ABLIM3: variants seen among roughly 807,000 people sequenced by gnomAD.
ABLIM3 encodes the protein actin binding LIM protein family member 3.
Under a neutral mutation model 109.5 loss-of-function variants are expected in ABLIM3, and 61 were observed. The observed-to-expected ratio is 0.56, with a 90% CI of 0.45 to 0.69. ABLIM3 has a LOEUF of 0.69. ABLIM3 is among the 30% of genes least tolerant of loss of function. ABLIM3 has a pLI of 0.00. For missense variants in ABLIM3, 796 were observed against 889.5 expected (o/e 0.89, Z 1.34); for synonymous variants, 300 against 324.8 (o/e 0.92, Z 0.82).
intron 2 of ABLIM3, among the ~76,000 whole-genome samples, chr5:149,165,544 A>G (rs1754744193): frequency 6.6e-6 from 1 of 152,242 alleles, no homozygotes; most frequent in South Asian, 2.1e-4. Context: ...AACTAGCTCA[A>G]GTGAAACAGG....
At chr5:149,257,921 G>A (rs995248490) in intron 23 of ABLIM3, among the ~76,000 whole-genome samples, 8 of 152,160 alleles carry the variant, frequency 5.3e-5, no homozygotes, top group African/African-American at 1.9e-4. Context: ...TCAACGGGGA[G>A]TGGGATAACA....
At chr5:149,213,144 T>C (rs934029387) in intron 7 of ABLIM3, among the ~76,000 whole-genome samples, 1 of 152,006 alleles carries the variant, frequency 6.6e-6, no homozygotes, top group Non-Finnish European at 1.5e-5. Flanking sequence ...AAAAGAAATA[T>C]GGATCAGAGC....
chr5:149,146,157 G>T (rs1220004227), intron 2 of ABLIM3, among the ~76,000 whole-genome samples: 1 of 151,998 alleles, frequency 6.6e-6, no homozygotes, highest in East Asian at 1.9e-4. Flanking sequence ...GGGGCGTGGG[G>T]TTTGTTTTTG....
intron 2 of ABLIM3, among the ~76,000 whole-genome samples, chr5:149,151,509 C>G (rs769310284): frequency 1.6e-4 from 24 of 152,204 alleles, no homozygotes; most frequent in Non-Finnish European, 2.9e-4. Flanking sequence ...TCCACACTAG[C>G]GTGAGATGCT....
intron 8 of ABLIM3, among the ~76,000 whole-genome samples, chr5:149,224,471 C>G (rs1489684335): frequency 6.6e-6 from 1 of 152,184 alleles, no homozygotes; most frequent in Non-Finnish European, 1.5e-5. Context: ...CCCGAGGTGC[C>G]CTTGTCCCTG....
intron 23 of ABLIM3, among the ~76,000 whole-genome samples, chr5:149,257,129 AC>A (rs1754502697): frequency 6.6e-6 from 1 of 152,132 alleles, no homozygotes; most frequent in South Asian, 2.1e-4. Flanking sequence ...ACATGGTGAA[AC>A]CCCATCTCTA....
chr5:149,228,178 A>G (rs897676702), intron 8 of ABLIM3, among the ~76,000 whole-genome samples: 21 of 152,210 alleles, frequency 1.4e-4, no homozygotes, highest in African/African-American at 4.8e-4. Context: ...AAGGCCATTC[A>G]GTTCTTAGGT....
At chr5:149,161,543 A>G (rs1462280991) in intron 2 of ABLIM3, among the ~76,000 whole-genome samples, 2 of 152,160 alleles carry the variant, frequency 1.3e-5, no homozygotes, top group Non-Finnish European at 2.9e-5. Flanking sequence ...TCTGGCCCAC[A>G]CGTTAATTAT....
chr5:149,230,509 G>C (rs1490053437), intron 8 of ABLIM3, 140 bp from the exon 9 acceptor site: 1 of 810,858 alleles, frequency 1.2e-6, no homozygotes, highest in South Asian at 1.5e-5. Context: ...TGCCAGGAGG[G>C]AGCTGGGAAA....
In ABLIM3 at chr5:149,198,510, C is replaced by T; in HGVS notation, c.335+108C>T. ...TGGGGTTTACAAGGTTTGTGCTGCACATTTAGATTTCTGGAACCTCAGGTG... is the reference window on the plus strand; with the variant it reads ...TGGGGTTTACAAGGTTTGTGCTGCATATTTAGATTTCTGGAACCTCAGGTG... On this transcript the variant is annotated intron_variant, in intron 4 of 23. Transcript: ENST00000309868. The surrounding 1 kb of genome is among the most constrained non-coding windows in gnomAD (Gnocchi z 4.2). 1 of 1,348,142 alleles carries T rather than the reference C, an allele frequency of 7.4e-7. No individual in the cohort carries two copies. The highest frequency in any genetic ancestry group is 2.5e-5 in the East Asian group (1 of 39,374). The allele number at this position is 1,348,142 out of a possible 1,614,324, so 83.5% of individuals were successfully genotyped here.
At chr5:149,251,559 C>T in intron 21 of ABLIM3, 140 bp downstream of exon 21, 1 of 936,428 alleles carries the variant, frequency 1.1e-6, no homozygotes, top group Non-Finnish European at 1.7e-6. Flanking sequence ...TTCTTACTCT[C>T]TTTCACTTCC....
chr5:149,252,293 C>A, intron 22 of ABLIM3, 85 bp downstream of exon 22: 1 of 1,489,032 alleles, frequency 6.7e-7, no homozygotes, highest in Non-Finnish European at 9.2e-7. Context: ...ACAGCACTGT[C>A]TATGTAGGGA....
rs150260024 is a variant in ABLIM3 at position 149,222,822 on chromosome 5, C to A, written c.757+5776C>A. Among the ~76,000 whole-genome samples, 65 of 152,114 alleles carry A rather than the reference C, an allele frequency of 4.3e-4. 2 individuals are homozygous for A. Among genetic ancestry groups the A allele is most frequent in the Non-Finnish European group, 1.3e-4 (9 of 68,000 alleles). ...ATTGTTATGGGTTGTGGAACGCCAG[C>A]CCTCAGTCATCATCTACGCATTTCA... On this transcript the variant is annotated intron_variant, in intron 8 of 23. Transcript: ENST00000309868.
chr5:149,216,280 G>A (rs1760074017), intron 7 of ABLIM3, among the ~76,000 whole-genome samples: 1 of 152,162 alleles, frequency 6.6e-6, no homozygotes, highest in Non-Finnish European at 1.5e-5. Flanking sequence ...TCCCTTATAT[G>A]TAAGGAAACT....
intron 8 of ABLIM3, among the ~76,000 whole-genome samples, chr5:149,229,587 A>C (rs1355877063): frequency 1.3e-5 from 2 of 152,220 alleles, no homozygotes; most frequent in African/African-American, 4.8e-5. Flanking sequence ...TGGGGGTTCC[A>C]GGCAACAAAG....
At chr5:149,205,230 C>G (rs1293430129) in intron 5 of ABLIM3, among the ~76,000 whole-genome samples, 1 of 152,180 alleles carries the variant, frequency 6.6e-6, no homozygotes. Flanking sequence ...ATAAAGAAGA[C>G]AGTCATGACA....
intron 5 of ABLIM3, among the ~76,000 whole-genome samples, chr5:149,206,353 A>G (rs1354528732): frequency 6.6e-6 from 1 of 152,186 alleles, no homozygotes; most frequent in Non-Finnish European, 1.5e-5. Flanking sequence ...ACAATGGGGA[A>G]GGGGTGGGTG....
intron 7 of ABLIM3, among the ~76,000 whole-genome samples, chr5:149,212,068 G>A (rs1211012209): frequency 2.6e-5 from 4 of 152,134 alleles, no homozygotes; most frequent in Non-Finnish European, 5.9e-5. Flanking sequence ...ATACCATGTA[G>A]GACTTTGTAG....
intron 7 of ABLIM3, among the ~76,000 whole-genome samples, chr5:149,215,272 G>A (rs1264953796): frequency 7.9e-5 from 12 of 152,174 alleles, no homozygotes; most frequent in Admixed American, 7.9e-4. Flanking sequence ...AAGGGAATCA[G>A]TCCCACACAT....
Sources: gnomAD v4.1 joint callset for allele counts (sites outside exome capture counted in the v4.1 genomes callset) on GRCh38, gnomAD v4.1.1 for gene constraint, Gnocchi (gnomAD v3.1) non-coding constraint, MANE v1.5 for transcripts, NCBI Gene and HGNC (gene_info 2026-07-23, HGNC 2026-07-21) for gene names.